NKAIN2: variants seen among roughly 807,000 people sequenced by gnomAD.
NKAIN2 encodes sodium/potassium-transporting ATPase subunit beta-1-interacting protein 2.
Under a neutral mutation model 32.6 loss-of-function variants are expected in NKAIN2, and 14 were observed. The ratio of observed to expected loss-of-function variants is 0.43; its 90% CI spans 0.28 to 0.67. The LOEUF (loss-of-function observed/expected upper bound fraction) is 0.67, where lower values mean the gene tolerates loss of function less well. Ranked by LOEUF, NKAIN2 falls within the 30% of genes least tolerant of loss-of-function variation. The pLI, the probability that NKAIN2 is intolerant of heterozygous loss-of-function variation, is 0.17. For missense variants in NKAIN2, 198 were observed against 258.3 expected, an observed-to-expected ratio of 0.77 and a Z score of 1.60; for synonymous variants, 80 against 87.2, an observed-to-expected ratio of 0.92 and a Z score of 0.46.
At chr6:124,009,236 A>G (rs1182059153) in intron 1 of NKAIN2, among the ~76,000 whole-genome samples, 1 of 151,802 alleles carries the variant, frequency 6.6e-6, no homozygotes, top group Non-Finnish European at 1.5e-5. Context: ...GTCTGTCTCT[A>G]TCTTTCTGTT....
chr6:124,665,174 A>T (rs1309612886), intron 4 of NKAIN2, among the ~76,000 whole-genome samples: 1 of 152,214 alleles, frequency 6.6e-6, no homozygotes, highest in East Asian at 1.9e-4. Context: ...CCTACAATTC[A>T]TATGGAACCA....
chr6:124,363,060 C>G (rs553068834), intron 3 of NKAIN2, among the ~76,000 whole-genome samples: 1 of 152,228 alleles, frequency 6.6e-6, no homozygotes, highest in African/African-American at 2.4e-5. Flanking sequence ...GTCTGGAACT[C>G]CTGACCTCAA....
intron 4 of NKAIN2, among the ~76,000 whole-genome samples, chr6:124,746,766 A>G (rs1343010375): frequency 6.6e-6 from 1 of 151,892 alleles, no homozygotes; most frequent in Non-Finnish European, 1.5e-5. Context: ...AGAAATGTAA[A>G]AACTTCTAGA....
intron 1 of NKAIN2, among the ~76,000 whole-genome samples, chr6:124,068,094 G>A (rs1783276571): frequency 6.6e-6 from 1 of 152,168 alleles, no homozygotes; most frequent in African/African-American, 2.4e-5. Flanking sequence ...TTAAGTTTAT[G>A]TAGTTAGTAA....
intron 1 of NKAIN2, among the ~76,000 whole-genome samples, chr6:123,986,793 A>T (rs990447191): frequency 6.6e-6 from 1 of 152,152 alleles, no homozygotes; most frequent in African/African-American, 2.4e-5. Context: ...CTAGCAGAAA[A>T]ATCAGGTACG....
At chr6:124,783,875 T>A (rs1294766116) in intron 4 of NKAIN2, among the ~76,000 whole-genome samples, 2 of 152,176 alleles carry the variant, frequency 1.3e-5, no homozygotes, top group African/African-American at 4.8e-5. Flanking sequence ...ACAAAAAGCA[T>A]GGGCTTAGAG....
rs141941146 is a variant in NKAIN2 at position 124,153,139 on chromosome 6, A to G, written c.55-129866A>G. Among the ~76,000 whole-genome samples, 1,216 of 151,994 alleles carry G rather than the reference A, an allele frequency of 8.0e-3. 13 individuals are homozygous for G. The highest frequency in any genetic ancestry group is 0.038 in the South Asian group (183 of 4,822). On this transcript the variant is annotated intron_variant, in intron 1 of 6. Coordinates refer to ENST00000368417, the MANE Select transcript of NKAIN2 (RefSeq NM_001040214.3). ...AATTTTTGTATATTTCAAAATAGCT[A>G]GAGGAGAAGAAAATGCACACAACAC...
intron 1 of NKAIN2, among the ~76,000 whole-genome samples, chr6:124,154,872 G>T (rs1032751569): frequency 1.3e-5 from 2 of 151,946 alleles, no homozygotes; most frequent in African/African-American, 4.8e-5. Flanking sequence ...TATTCCAAAT[G>T]ATTTATGACA....
At chr6:123,931,277 G>A (rs779857246) in intron 1 of NKAIN2, among the ~76,000 whole-genome samples, 4 of 152,092 alleles carry the variant, frequency 2.6e-5, no homozygotes, top group East Asian at 1.9e-4. Context: ...TTGAGGAAGC[G>A]GTATCAGTAT....
intron 3 of NKAIN2, among the ~76,000 whole-genome samples, chr6:124,421,074 T>A (rs867135579): frequency 2.0e-4 from 27 of 133,726 alleles, no homozygotes; most frequent in Middle Eastern, 4.0e-3. Context: ...CTGTCAAAAT[T>A]AAAAAAAAAA....
At chr6:123,882,232 A>T (rs1157572059) in intron 1 of NKAIN2, among the ~76,000 whole-genome samples, 5 of 152,158 alleles carry the variant, frequency 3.3e-5, no homozygotes, top group Non-Finnish European at 2.9e-5. Context: ...CATAACTTGG[A>T]TAAACCTAGG....
intron 3 of NKAIN2, among the ~76,000 whole-genome samples, chr6:124,582,147 G>T (rs1012520582): frequency 4.6e-5 from 7 of 151,472 alleles, no homozygotes; most frequent in Admixed American, 6.6e-5. Flanking sequence ...AAGCAAGGAA[G>T]ATACAAATAA....
At chr6:123,817,620 C>T (rs946135563) in intron 1 of NKAIN2, among the ~76,000 whole-genome samples, 1 of 152,260 alleles carries the variant, frequency 6.6e-6, no homozygotes, top group African/African-American at 2.4e-5. Flanking sequence ...TCAACACCAG[C>T]GCCCCTTCCT....
intron 4 of NKAIN2, among the ~76,000 whole-genome samples, chr6:124,774,528 G>T (rs1037610288): frequency 6.6e-6 from 1 of 152,068 alleles, no homozygotes; most frequent in Non-Finnish European, 1.5e-5. Flanking sequence ...GATGTCTGGT[G>T]GGAAGTCAGA....
chr6:124,490,967 T>A (rs1777839898), intron 3 of NKAIN2, among the ~76,000 whole-genome samples: 1 of 151,912 alleles, frequency 6.6e-6, no homozygotes, highest in African/African-American at 2.4e-5. Context: ...AGAAGCAACA[T>A]TATTTTCTGT....
chr6:124,126,490 G>A (rs1325743969), intron 1 of NKAIN2, among the ~76,000 whole-genome samples: 1 of 152,078 alleles, frequency 6.6e-6, no homozygotes, highest in Non-Finnish European at 1.5e-5. Flanking sequence ...ACATCTATCT[G>A]CAACTTAACT....
chr6:123,980,910 GC>G (rs946240102), intron 1 of NKAIN2, among the ~76,000 whole-genome samples: 6 of 144,722 alleles, frequency 4.1e-5, no homozygotes, highest in Non-Finnish European at 7.5e-5. Flanking sequence ...TTGCTCTGTT[GC>G]CAGGCTGGAG....
At position 124,599,540 on chromosome 6, in the gene NKAIN2, G is replaced by T. The variant is rs374722829; in HGVS notation, c.274-58646G>T. Among the ~76,000 whole-genome samples the T allele has an allele frequency of 5.3e-5, 8 of 152,300 alleles. No individual in the cohort carries two copies. In the East Asian group the frequency reaches 1.5e-3, roughly 29 times the overall value. ...CTTTTAATCTGCGTGTGAGGGCAAA[G>T]ATATAGCCGTGATCCTTGTACCCTG... On this transcript the variant is annotated intron_variant, in intron 3 of 6. Transcript: ENST00000368417.
intron 1 of NKAIN2, among the ~76,000 whole-genome samples, chr6:124,137,204 T>C (rs2114304191): frequency 6.6e-6 from 1 of 152,236 alleles, no homozygotes; most frequent in East Asian, 1.9e-4. Flanking sequence ...AGCAGTGCTA[T>C]ACACCAACAA....
Sources: allele counts gnomAD v4.1 joint callset (sites outside exome capture counted in the v4.1 genomes callset), GRCh38; gene constraint gnomAD v4.1.1; transcripts MANE v1.5; gene names NCBI Gene and HGNC (gene_info 2026-07-23, HGNC 2026-07-21).